The following TICRR variants were observed in gnomAD, a reference collection of about 807,000 sequenced individuals.
TICRR encodes the protein treslin.
TICRR carries 132 observed loss-of-function variants against 178.1 expected under a neutral mutation model. The ratio of observed to expected loss-of-function variants is 0.74; its 90% CI spans 0.64 to 0.86. TICRR has a LOEUF of 0.86. TICRR is among the 40% of genes least tolerant of loss of function. The probability of loss-of-function intolerance (pLI) is 0.00; values close to 1 mark genes in which losing one functional copy is unlikely to be tolerated. For missense variants in TICRR, 2,587 were observed against 2,334.3 expected (o/e 1.11, Z -2.23); for synonymous variants, 991 against 900.7 (o/e 1.10, Z -1.79).
intron 6 of TICRR, 85 bp from the exon 7 acceptor site, chr15:89,595,308 T>C: frequency 1.1e-6 from 1 of 941,446 alleles, no homozygotes. Flanking sequence ...TGATATTCTT[T>C]CACAGTAATC....
intron 17 of TICRR, 79 bp downstream of exon 17, chr15:89,618,289 C>A: frequency 2.3e-6 from 3 of 1,298,100 alleles, no homozygotes; most frequent in Non-Finnish European, 3.4e-6. Flanking sequence ...TGTTACTTGG[C>A]ATATCCTAAG....
chr15:89,590,552 T>C lies in TICRR; in HGVS notation c.1412-1495T>C, dbSNP rs1156595849. Among the ~76,000 whole-genome samples, 3 of 152,362 alleles carry C rather than the reference T, an allele frequency of 2.0e-5. No homozygotes were observed. In the East Asian group the frequency reaches 5.8e-4, roughly 29 times the overall value. ...ATGGCCCACAGTTTCTTCCAGGTTA[T>C]AAATCAGTGTGCCGGCTTATTGTCC... On this transcript the variant is annotated intron_variant, in intron 4 of 21. Transcript: ENST00000268138.
chr15:89,624,150 A>G lies in TICRR; in HGVS notation c.3840A>G (p.Pro1280=). 2 of 1,614,086 alleles carry G rather than the reference A, an allele frequency of 1.2e-6. No homozygotes were observed. Among genetic ancestry groups the G allele is most frequent in the South Asian group, 2.2e-5 (2 of 91,076 alleles). The change falls in exon 20 of 22, where the codon CCA becomes CCG. Residue 1280 remains proline (P), a synonymous_variant. Coordinates refer to ENST00000268138, the MANE Select transcript of TICRR (RefSeq NM_152259.4). Reference sequence around the variant, plus strand: ...TCAGAGCTGCTCGGGCAGAGGAACCAGCCCAGAAACTAAAGGATAAAGCTA... The same window carrying G: ...TCAGAGCTGCTCGGGCAGAGGAACCGGCCCAGAAACTAAAGGATAAAGCTA... ...HVLRAARAEE[P]AQKLKDKAIK... is the part of the protein sequence containing the mutation.
At chr15:89,591,996 T>A (rs780704609) in intron 4 of TICRR, 51 bp from the exon 5 acceptor site, 3 of 1,566,610 alleles carry the variant, frequency 1.9e-6, no homozygotes, top group Non-Finnish European at 2.6e-6. Context: ...AATTCTCTGC[T>A]TTGGTTCTCA....
In TICRR at chr15:89,618,159, G is replaced by T; in HGVS notation, c.2968G>T (p.Asp990Tyr). The change falls in exon 17 of 22, where the codon GAT becomes TAT. Residue 990 changes from aspartate to tyrosine, a missense_variant. Asp to Tyr is a radical substitution (Grantham distance 160). Coordinates refer to ENST00000268138, the MANE Select transcript of TICRR (RefSeq NM_152259.4). The part of the protein sequence containing the change: ...LHRQIKGRSS[D>Y]PGPDIGVVEE... ...TGCATGTGGTTCCTCGAGGTCCTCT[G>T]ATCCTGGTCCTGATATTGGTGTTGT... The T allele has an allele frequency of 6.2e-7, 1 of 1,614,170 alleles. No homozygotes were observed. Among genetic ancestry groups the T allele is most frequent in the Non-Finnish European group, 8.5e-7 (1 of 1,180,016 alleles).
At chr15:89,609,375 A>C (rs1228454052) in intron 15 of TICRR, among the ~76,000 whole-genome samples, 1 of 151,902 alleles carries the variant, frequency 6.6e-6, no homozygotes, top group Non-Finnish European at 1.5e-5. Flanking sequence ...GGCCTCCCAC[A>C]GTTGCTGGGA....
rs529212373 is a variant in TICRR at position 89,624,996 on chromosome 15, G to A, written c.4686G>A (p.Glu1562=). 145 of 1,613,978 alleles carry A rather than the reference G, an allele frequency of 9.0e-5. No individual in the cohort carries two copies. The highest frequency in any genetic ancestry group is 1.2e-4 in the Admixed American group (7 of 60,006). ...DSASPQTYEV[E]LEMQASGLPK... is the part of the protein sequence containing the mutation. ...CCAGCCCACAGACCTATGAGGTTGA[G>A]CTGGAGATGCAAGCTTCTGGCCTTC... Residue 1562 remains glutamate (E), a synonymous_variant, in exon 20 of 22, where the codon GAG becomes GAA. Coordinates refer to ENST00000268138, the MANE Select transcript of TICRR (RefSeq NM_152259.4).
chr15:89,601,298 G>T lies in TICRR; in HGVS notation c.2154G>T (p.Glu718Asp), dbSNP rs200805300. The T allele has an allele frequency of 1.9e-6, 3 of 1,613,122 alleles. No homozygotes were observed. The highest frequency in any genetic ancestry group is 2.5e-6 in the Non-Finnish European group (3 of 1,179,672). The stretch of plus-strand genomic sequence containing the variant: ...TGACCAAGTATTTTTTTCTCTCAAG[G>T]TGCCAGCTTCAGGTATTTCTTCGTT... ...KKLDKEDKVR[E>D]CQLQVFLRLE... Residue 718 changes from glutamate (E) to aspartate (D), a missense_variant and splice_region_variant, in exon 10 of 22, where the codon GAG becomes GAT. Transcript: ENST00000268138.
At chr15:89,617,304 G>A (rs1390575950) in intron 16 of TICRR, among the ~76,000 whole-genome samples, 1 of 152,190 alleles carries the variant, frequency 6.6e-6, no homozygotes, top group East Asian at 1.9e-4. Context: ...AGTGAAATTG[G>A]TGGGTCAGAG....
At chr15:89,590,992 AAG>A (rs763755486) in intron 4 of TICRR, among the ~76,000 whole-genome samples, 4 of 152,144 alleles carry the variant, frequency 2.6e-5, no homozygotes, top group Non-Finnish European at 4.4e-5. Flanking sequence ...GGCTTATTTT[AAG>A]AGAGCCTTCT....
rs746644552 is a variant in TICRR at position 89,624,429 on chromosome 15, CCCT to C, written c.4125_4127del (p.Pro1378del). 6.8e-6 allele frequency: 11 copies of C among 1,614,176 alleles called. No individual in the cohort carries two copies. Among genetic ancestry groups the C allele is most frequent in the South Asian group, 5.5e-5 (5 of 91,086 alleles). On this transcript the variant is annotated inframe_deletion, in exon 20 of 22. Coordinates refer to ENST00000268138, the MANE Select transcript of TICRR (RefSeq NM_152259.4). ...CACAGAGAGCTACATTGGACACCGT[CCCT>C]CCTCCACCCCCTTCTAAAGTTGGGA...
At position 89,624,883 on chromosome 15, in the gene TICRR, G is replaced by A. The variant is rs565225104; in HGVS notation, c.4573G>A (p.Val1525Met). ...CTCTCCTCTGATGCCTTCCCGTGAC[G>A]TGCACTGTACCACAGATGGGAGACA... ...PGSPLMPSRD[V>M]HCTTDGRQCQ... The change falls in exon 20 of 22, where the codon GTG becomes ATG. Residue 1525 changes from valine (V) to methionine (M), a missense_variant. Physicochemically the swap from Val to Met is conservative, Grantham distance 21. Transcript: ENST00000268138. The A allele has an allele frequency of 2.9e-5, 46 of 1,613,984 alleles. No individual in the cohort carries two copies. Among genetic ancestry groups the A allele is most frequent in the South Asian group, 4.4e-5 (4 of 91,076 alleles).
Position 89,624,928 on chromosome 15 carries a change from C to T in TICRR, c.4618C>T (p.Leu1540=), listed in dbSNP as rs368620985. 70 of 1,614,010 alleles carry T rather than the reference C, an allele frequency of 4.3e-5. No homozygotes were observed. The highest frequency in any genetic ancestry group is 5.5e-5 in the Non-Finnish European group (65 of 1,180,046). The change falls in exon 20 of 22, where the codon CTA becomes TTA. Residue 1540 remains leucine, a synonymous_variant. Transcript: ENST00000268138. The part of the protein sequence containing the change: ...DGRQCQASAQ[L]DNLPASAWHS... The stretch of plus-strand genomic sequence containing the variant: ...GAGACAGTGCCAGGCTTCGGCACAA[C>T]TAGACAACCTGCCAGCATCAGCTTG...
Position 89,576,102 on chromosome 15 carries a change from T to C in TICRR, c.516T>C (p.Ser172=). ...HSQRELLQFV[S]GCEAQAQRLP... ...AGAGGGAGCTGCTGCAGTTCGTGTC[T>C]GGGTGCGAGGCCCAGGCCCAGCGCC... is the stretch of plus-strand genomic sequence containing the variant. Residue 172 remains serine (S), a synonymous_variant, in exon 1 of 22, where the codon TCT becomes TCC. Transcript: ENST00000268138. 1 of 1,611,736 alleles carries C rather than the reference T, an allele frequency of 6.2e-7. No individual in the cohort carries two copies. Among genetic ancestry groups the C allele is most frequent in the Non-Finnish European group, 8.5e-7 (1 of 1,179,946 alleles).
rs756120964 is a variant in TICRR at position 89,623,812 on chromosome 15, C to A, written c.3502C>A (p.Pro1168Thr). ...CTCCTCCTCACCCGGCCATGACTCA[C>A]CATTGGATTCAAAAATCACTCCTCA... ...KDSSSPGHDS[P>T]LDSKITPQKR... is the part of the protein sequence containing the mutation. Residue 1168 changes from proline (P) to threonine (T), a missense_variant, in exon 20 of 22, where the codon CCA becomes ACA. Physicochemically the swap from Pro to Thr is conservative, Grantham distance 38. Transcript: ENST00000268138. 2.4e-5 allele frequency: 39 copies of A among 1,613,822 alleles called. No homozygotes were observed. Among genetic ancestry groups the A allele is most frequent in the Non-Finnish European group, 3.3e-5 (39 of 1,180,030 alleles).
At chr15:89,595,218 C>G (rs1962977045) in intron 6 of TICRR, among the ~76,000 whole-genome samples, 175 bp from the exon 7 acceptor site, 1 of 152,190 alleles carries the variant, frequency 6.6e-6, no homozygotes, top group African/African-American at 2.4e-5. Context: ...AAGAAAGGTT[C>G]TCTTTCTACC....
At chr15:89,603,072 T>G (rs901326266) in intron 13 of TICRR, among the ~76,000 whole-genome samples, 180 bp downstream of exon 13, 2 of 152,282 alleles carry the variant, frequency 1.3e-5, no homozygotes, top group African/African-American at 4.8e-5. Flanking sequence ...TTAACAATTT[T>G]ACTCAAGAGT....
intron 5 of TICRR, among the ~76,000 whole-genome samples, chr15:89,593,093 T>C (rs1212271406): frequency 6.6e-6 from 1 of 152,234 alleles, no homozygotes; most frequent in Admixed American, 6.5e-5. Context: ...ATTTTTTTGG[T>C]TATTTTAGAT....
rs757057469 is a variant in TICRR, at chr15:89,624,988, G to A, written c.4678G>A (p.Glu1560Lys). 1.2e-6 allele frequency: 2 copies of A among 1,613,966 alleles called. No individual in the cohort carries two copies. The highest frequency in any genetic ancestry group is 4.5e-5 in the East Asian group (2 of 44,870). ...AGACTCTGCCAGCCCACAGACCTAT[G>A]AGGTTGAGCTGGAGATGCAAGCTTC... ...STDSASPQTYEVELEMQASGL... is the reference protein window; with the variant it reads ...STDSASPQTYKVELEMQASGL... The change falls in exon 20 of 22, where the codon GAG (glutamate) becomes AAG (lysine). Residue 1560 changes from glutamate to lysine, a missense_variant. Coordinates refer to ENST00000268138, the MANE Select transcript of TICRR (RefSeq NM_152259.4).
Sources: allele counts gnomAD v4.1 joint callset (sites outside exome capture counted in the v4.1 genomes callset), GRCh38; gene constraint gnomAD v4.1.1; transcripts MANE v1.5; gene names NCBI Gene and HGNC (gene_info 2026-07-23, HGNC 2026-07-21).